CNTN5: variants seen among roughly 807,000 people sequenced by gnomAD.
CNTN5 encodes the protein contactin-5.
CNTN5 carries 77 observed loss-of-function variants against 129.1 expected under a neutral mutation model. The observed-to-expected ratio is 0.60, with a 90% confidence interval of 0.50 to 0.72. The LOEUF (loss-of-function observed/expected upper bound fraction) is 0.72. Ranked by LOEUF, CNTN5 falls within the 30% of genes least tolerant of loss-of-function variation. The pLI, the probability that CNTN5 is intolerant of heterozygous loss-of-function variation, is 0.00. For missense variants in CNTN5, 1,478 were observed against 1,328.8 expected (o/e 1.11, Z -1.75); for synonymous variants, 509 against 465.6 (o/e 1.09, Z -1.20).
chr11:99,123,018 G>A (rs192001660), intron 1 of CNTN5, among the ~76,000 whole-genome samples: 1 of 152,222 alleles, frequency 6.6e-6, no homozygotes, highest in Non-Finnish European at 1.5e-5. Flanking sequence ...ATGTGCATGT[G>A]TCTTCATGAC....
intron 1 of CNTN5, among the ~76,000 whole-genome samples, chr11:99,114,469 CCTT>C (rs1445950458): frequency 6.8e-6 from 1 of 146,840 alleles, no homozygotes; most frequent in African/African-American, 2.5e-5. Flanking sequence ...TTTCCTTCCT[CCTT>C]CTCCTTTTCT....
chr11:100,284,307 C>G (rs1231576375), intron 18 of CNTN5, among the ~76,000 whole-genome samples: 1 of 152,164 alleles, frequency 6.6e-6, no homozygotes, highest in African/African-American at 2.4e-5. Context: ...ATCAGTGGAG[C>G]CTTCTATTCT....
intron 1 of CNTN5, among the ~76,000 whole-genome samples, chr11:99,286,118 C>A (rs999422637): frequency 4.0e-5 from 6 of 149,330 alleles, no homozygotes; most frequent in Non-Finnish European, 8.9e-5. Flanking sequence ...AATATTATTT[C>A]TATTTCTTTC....
chr11:99,876,299 T>A (rs1948631525), intron 6 of CNTN5, among the ~76,000 whole-genome samples: 1 of 152,116 alleles, frequency 6.6e-6, no homozygotes, highest in Non-Finnish European at 1.5e-5. Context: ...TAACCTCTGT[T>A]TCTGGCTTTT....
intron 13 of CNTN5, among the ~76,000 whole-genome samples, chr11:100,187,944 C>T (rs2138487002): frequency 6.6e-6 from 1 of 152,186 alleles, no homozygotes. Flanking sequence ...CAAGTGTGAC[C>T]TAATTAAACT....
intron 7 of CNTN5, among the ~76,000 whole-genome samples, chr11:99,919,051 T>A (rs1051595603): frequency 1.3e-5 from 2 of 152,154 alleles, no homozygotes; most frequent in East Asian, 3.9e-4. Context: ...ATAAGCTGCA[T>A]TAAGGATAAA....
At chr11:99,822,441 C>A (rs1220652989) in intron 4 of CNTN5, among the ~76,000 whole-genome samples, 1 of 151,980 alleles carries the variant, frequency 6.6e-6, no homozygotes, top group East Asian at 1.9e-4. Context: ...AATGGATAGA[C>A]CTCAAAATAG....
At chr11:100,176,851 GGTGTGTGT>G (rs3031275) in intron 13 of CNTN5, among the ~76,000 whole-genome samples, 35,644 of 150,190 alleles carry the variant, frequency 0.24, 4,851 homozygotes, top group East Asian at 0.57. Flanking sequence ...CATATAGTAT[GGTGTGTGT>G]GTGTGTGTGT....
intron 13 of CNTN5, among the ~76,000 whole-genome samples, chr11:100,157,608 A>G (rs1280921740): frequency 6.6e-6 from 1 of 151,850 alleles, no homozygotes; most frequent in East Asian, 1.9e-4. Flanking sequence ...TGAAAATTAT[A>G]TGAAAGTGCG....
chr11:99,080,980 GTTTTTTTT>G (rs766619743), intron 1 of CNTN5, among the ~76,000 whole-genome samples: 1 of 112,462 alleles, frequency 8.9e-6, no homozygotes, highest in African/African-American at 3.3e-5. Context: ...TGAGAAATCA[GTTTTTTTT>G]TTTTTTTTTT....
chr11:99,826,064 G>T (rs1265067312), intron 4 of CNTN5, among the ~76,000 whole-genome samples: 7 of 152,016 alleles, frequency 4.6e-5, no homozygotes, highest in Non-Finnish European at 1.0e-4. Context: ...GTACTTTGGA[G>T]TATCGTAAGC....
intron 1 of CNTN5, among the ~76,000 whole-genome samples, chr11:99,107,031 A>AG (rs1376912849): frequency 1.2e-4 from 19 of 152,190 alleles, no homozygotes; most frequent in African/African-American, 4.1e-4. Context: ...TCACCTTTGA[A>AG]GGTACCTATC....
chr11:99,193,781 A>G (rs539035785), intron 1 of CNTN5, among the ~76,000 whole-genome samples: 1 of 152,308 alleles, frequency 6.6e-6, no homozygotes, highest in Non-Finnish European at 1.5e-5. Flanking sequence ...GGGGAATTAC[A>G]TTAGAATCTA....
intron 16 of CNTN5, among the ~76,000 whole-genome samples, chr11:100,235,968 T>C (rs1436492139): frequency 6.6e-6 from 1 of 152,144 alleles, no homozygotes; most frequent in African/African-American, 2.4e-5. Flanking sequence ...GACACAGGTA[T>C]GCAGTGTAAG....
At chr11:99,430,226 T>C (rs978752544) in intron 2 of CNTN5, among the ~76,000 whole-genome samples, 5 of 152,018 alleles carry the variant, frequency 3.3e-5, no homozygotes, top group Non-Finnish European at 5.9e-5. Flanking sequence ...AATTAAATAA[T>C]GATTTTTAAG....
intron 3 of CNTN5, among the ~76,000 whole-genome samples, chr11:99,740,936 A>T (rs564073579): frequency 6.6e-6 from 1 of 152,216 alleles, no homozygotes; most frequent in South Asian, 2.1e-4. Context: ...CTCAGCTTAA[A>T]TGCTCTTTAT....
intron 2 of CNTN5, among the ~76,000 whole-genome samples, chr11:99,388,965 C>A (rs1403799880): frequency 1.4e-5 from 2 of 143,780 alleles, no homozygotes; most frequent in East Asian, 4.3e-4. Flanking sequence ...CAATTTAAGA[C>A]ACCTAATTCT....
chr11:100,055,530 C>G (rs946872454), intron 9 of CNTN5, among the ~76,000 whole-genome samples: 1 of 151,200 alleles, frequency 6.6e-6, no homozygotes, highest in African/African-American at 2.4e-5. Flanking sequence ...CTTTTTCACT[C>G]CTAAAGAAAA....
rs1173849202 is a variant in CNTN5 at position 99,257,436 on chromosome 11, G to A, written c.-209-67910G>A. 2.6e-5 allele frequency among the ~76,000 whole-genome samples: 4 copies of A among 151,318 alleles called. No homozygotes were observed. In the East Asian group the frequency reaches 7.7e-4, roughly 29 times the overall value. ...TTTGTCAAACTATCCATCTTTACTAGTTTGTCAAACTATCCATACCTATCT... is the reference window on the plus strand; with the variant it reads ...TTTGTCAAACTATCCATCTTTACTAATTTGTCAAACTATCCATACCTATCT... On this transcript the variant is annotated intron_variant, in intron 1 of 24. Coordinates refer to ENST00000524871, the MANE Select transcript of CNTN5 (RefSeq NM_014361.4).
Sources: allele counts gnomAD v4.1 joint callset (sites outside exome capture counted in the v4.1 genomes callset), GRCh38; gene constraint gnomAD v4.1.1; transcripts MANE v1.5; gene names NCBI Gene and HGNC (gene_info 2026-07-23, HGNC 2026-07-21).